LONP2: variants seen among roughly 807,000 people sequenced by gnomAD.
LONP2 encodes lon peptidase 2, peroxisomal, also known as lon protease homolog 2, peroxisomal.
Under a neutral mutation model 85.6 loss-of-function variants are expected in LONP2, and 60 were observed. The ratio of observed to expected loss-of-function variants is 0.70; its 90% CI spans 0.57 to 0.87. The LOEUF is 0.87. Ranked by LOEUF, LONP2 falls within the 40% of genes least tolerant of loss-of-function variation. The pLI is 0.00. For missense variants in LONP2, 860 were observed against 1,063.5 expected (o/e 0.81, Z 2.66); for synonymous variants, 395 against 389.7 (o/e 1.01, Z -0.16).
In LONP2 at chr16:48,328,839, G is replaced by T. The variant is rs557931600; in HGVS notation, c.1796-5377G>T. On this transcript the variant is annotated intron_variant, in intron 11 of 14. Coordinates refer to ENST00000285737, the MANE Select transcript of LONP2 (RefSeq NM_031490.5). Reference sequence around the variant, plus strand: ...CAGCCTCTGTCTCAAAAAAAAAAGGGGGGGAGGGGCGGTGGGGGGAGCGGG... The same window carrying T: ...CAGCCTCTGTCTCAAAAAAAAAAGGTGGGGAGGGGCGGTGGGGGGAGCGGG... Among the ~76,000 whole-genome samples, 22 of 151,620 alleles carry T rather than the reference G, an allele frequency of 1.5e-4. 1 individual carries two copies. The East Asian group carries it at 3.1e-3, about 21-fold the overall frequency.
intron 11 of LONP2, among the ~76,000 whole-genome samples, chr16:48,304,885 T>G (rs969150401): frequency 6.6e-6 from 1 of 152,256 alleles, no homozygotes; most frequent in African/African-American, 2.4e-5. Context: ...TTTCTATCAT[T>G]TCCATAGCTG....
In LONP2 at chr16:48,348,084, T is replaced by C. The variant is rs1960025683; in HGVS notation, c.2147-16T>C. On this transcript the variant is annotated splice_polypyrimidine_tract_variant and intron_variant, in intron 13 of 14. Coordinates refer to ENST00000285737, the MANE Select transcript of LONP2 (RefSeq NM_031490.5). Reference sequence around the variant, plus strand: ...TTTAATTTTTCTACATTAAAGTCCCTTTTTCCTTTTTAAAGCTTTTGGAAG... The same window carrying C: ...TTTAATTTTTCTACATTAAAGTCCCCTTTTCCTTTTTAAAGCTTTTGGAAG... 2 of 1,578,138 alleles carry C rather than the reference T, an allele frequency of 1.3e-6. No homozygotes were observed. Among genetic ancestry groups the C allele is most frequent in the Admixed American group, 2.1e-5 (1 of 48,758 alleles).
chr16:48,303,112 A>G, intron 10 of LONP2, 60 bp from the exon 11 acceptor site: 1 of 1,573,598 alleles, frequency 6.4e-7, no homozygotes, highest in Non-Finnish European at 8.7e-7. Flanking sequence ...TAATCACATT[A>G]CCTCTCTATT....
rs891136693 is a variant in LONP2 at position 48,277,668 on chromosome 16, CT to C, written c.1383+198del. Among the ~76,000 whole-genome samples the C allele has an allele frequency of 1.6e-4, 24 of 151,262 alleles. 1 individual carries two copies. The highest frequency in any genetic ancestry group is 1.1e-3 in the Admixed American group (16 of 15,140). On this transcript the variant is annotated intron_variant, in intron 8 of 14. Transcript: ENST00000285737. ...TTTGAGATTTCTTTCACTAAGTCCC[CT>C]TTTTTTTTATTTTCCTTTTGTATTT...
intron 12 of LONP2, among the ~76,000 whole-genome samples, chr16:48,342,671 T>G (rs1449816030): frequency 6.6e-6 from 1 of 152,210 alleles, no homozygotes; most frequent in African/African-American, 2.4e-5. Context: ...TAGAATCTGC[T>G]TTTCCCATTT....
intron 11 of LONP2, 85 bp downstream of exon 11, chr16:48,303,390 G>A (rs775602900): frequency 1.3e-6 from 2 of 1,538,904 alleles, no homozygotes; most frequent in East Asian, 4.5e-5. Context: ...GGAAGGTGTT[G>A]GGTAGTCCTT....
intron 8 of LONP2, among the ~76,000 whole-genome samples, chr16:48,279,018 T>C (rs1335300633): frequency 6.6e-6 from 1 of 152,134 alleles, no homozygotes; most frequent in Non-Finnish European, 1.5e-5. Flanking sequence ...GCATGTTCTT[T>C]TATAGTATCC....
At chr16:48,293,498 T>A (rs1596955467) in intron 8 of LONP2, among the ~76,000 whole-genome samples, 2 of 152,010 alleles carry the variant, frequency 1.3e-5, no homozygotes, top group East Asian at 3.9e-4. Context: ...TTAAAGGTGG[T>A]AAGGATTACT....
At chr16:48,360,164 T>C (rs1270263212), downstream of LONP2, among the ~76,000 whole-genome samples, 1 of 152,230 alleles carries the variant, frequency 6.6e-6, no homozygotes, top group Non-Finnish European at 1.5e-5. Flanking sequence ...AGCTGGTTAG[T>C]GGGGTAGAGC....
chr16:48,244,433 G>A lies in LONP2; in HGVS notation c.45G>A (p.Leu15=). Residue 15 remains leucine, a synonymous_variant, in exon 1 of 15, where the codon CTG becomes CTA. Coordinates refer to ENST00000285737, the MANE Select transcript of LONP2 (RefSeq NM_031490.5). The stretch of plus-strand genomic sequence containing the variant: ...TCCAGATCCCCAGTCGCCTCCCGCT[G>A]CTGCTCACCCACGAGGGCGTCCTGC... ...SPIQIPSRLP[L]LLTHEGVLLP... The A allele has an allele frequency of 1.3e-6, 2 of 1,590,378 alleles. No individual in the cohort carries two copies. The highest frequency in any genetic ancestry group is 1.7e-6 in the Non-Finnish European group (2 of 1,173,252).
chr16:48,270,947 G>C (rs1438713810), intron 7 of LONP2, among the ~76,000 whole-genome samples: 1 of 151,946 alleles, frequency 6.6e-6, no homozygotes, highest in Admixed American at 6.6e-5. Context: ...GGGCAACATA[G>C]GGAAACACTT....
At chr16:48,334,751 C>A in intron 12 of LONP2, 1 of 546,550 alleles carries the variant, frequency 1.8e-6, no homozygotes, top group Admixed American at 2.0e-5. Flanking sequence ...AGGTAAGATG[C>A]CCTACCTGTC....
chr16:48,329,453 C>T (rs1959367063), intron 11 of LONP2, among the ~76,000 whole-genome samples: 6 of 152,128 alleles, frequency 3.9e-5, no homozygotes, highest in Admixed American at 1.3e-4. Flanking sequence ...TTCAAGTAAC[C>T]CTTCCTTTAC....
At chr16:48,320,092 G>A (rs906330257) in intron 11 of LONP2, among the ~76,000 whole-genome samples, 3 of 150,920 alleles carry the variant, frequency 2.0e-5, no homozygotes, top group East Asian at 1.9e-4. Context: ...CTTGGGGGGC[G>A]GAGGTTGCAG....
chr16:48,279,705 C>T (rs1972286837), intron 8 of LONP2, among the ~76,000 whole-genome samples: 1 of 152,172 alleles, frequency 6.6e-6, no homozygotes, highest in South Asian at 2.1e-4. Context: ...TTATTTCAGC[C>T]AGTCCTCCTT....
intron 5 of LONP2, among the ~76,000 whole-genome samples, chr16:48,262,541 C>T (rs1971899488): frequency 6.6e-6 from 1 of 152,214 alleles, no homozygotes; most frequent in African/African-American, 2.4e-5. Context: ...GGAAGAACCC[C>T]TCCCTGGTGG....
chr16:48,294,420 G>A (rs1006603822), intron 8 of LONP2, among the ~76,000 whole-genome samples: 3 of 152,160 alleles, frequency 2.0e-5, no homozygotes, highest in Admixed American at 1.3e-4. Flanking sequence ...AGAGTTTCCA[G>A]TAATAATTAA....
intron 6 of LONP2, among the ~76,000 whole-genome samples, chr16:48,264,155 C>T (rs141004762): frequency 0.014 from 2,085 of 152,262 alleles, 48 homozygotes; most frequent in African/African-American, 0.047. Flanking sequence ...ACCATTGTCA[C>T]TGATAACATC....
chr16:48,273,877 A>G (rs1972153053), intron 7 of LONP2, among the ~76,000 whole-genome samples: 1 of 152,174 alleles, frequency 6.6e-6, no homozygotes, highest in Non-Finnish European at 1.5e-5. Flanking sequence ...TTATTGCAAG[A>G]AATCCTTGTC....
Sources: gnomAD v4.1 joint callset for allele counts (sites outside exome capture counted in the v4.1 genomes callset) on GRCh38, gnomAD v4.1.1 for gene constraint, MANE v1.5 for transcripts, NCBI Gene and HGNC (gene_info 2026-07-23, HGNC 2026-07-21) for gene names.